Variants in GSDME observed in about 807,000 individuals in gnomAD.
GSDME encodes the protein gasdermin-E.
GSDME carries 44 observed loss-of-function variants against 47.5 expected under a neutral mutation model. That is an observed-to-expected ratio of 0.93 (90% CI 0.73 to 1.19). GSDME has a LOEUF of 1.19. Ranked by LOEUF, GSDME falls within the 50% of genes most tolerant of loss-of-function variation. The probability of loss-of-function intolerance (pLI) is 0.00; values close to 1 mark genes in which losing one functional copy is unlikely to be tolerated. For synonymous variants in GSDME, 258 were observed against 252.8 expected (o/e 1.02, Z -0.20); for missense variants, 663 against 604.2 (o/e 1.10, Z -1.02).
the GSDME span, among the ~76,000 whole-genome samples, chr7:24,771,767 C>T: frequency 3.3e-5 from 5 of 152,258 alleles, no homozygotes; most frequent in African/African-American, 4.8e-5. This position sits in a 1 kb window ranked among gnomAD's most constrained non-coding sequence, Gnocchi z 4.1. Flanking sequence ...AAACTGCTCC[C>T]GTACCTGCCT....
rs1248104504 is a variant in GSDME, at chr7:24,744,901, T to G, written c.212-147A>C. On this transcript the variant is annotated intron_variant, in intron 2 of 9. Coordinates refer to ENST00000645220, the MANE Select transcript of GSDME (RefSeq NM_001127453.2). The surrounding 1 kb of genome is among the most constrained non-coding windows in gnomAD (Gnocchi z 4.5). ...AAAGCCGGCAGCCATGCTGTGTGTG[T>G]GGGCAAGAAAACAGGGCAGCACGTG... is the stretch of plus-strand genomic sequence containing the variant. The G allele has an allele frequency of 7.1e-6, 6 of 849,444 alleles. No individual in the cohort carries two copies. Among genetic ancestry groups the G allele is most frequent in the South Asian group, 1.4e-5 (1 of 69,582 alleles). 52.6% of individuals were successfully genotyped at this position (849,444 alleles called of 1,614,324 possible). A position where few individuals can be genotyped will look rare whatever the true frequency, so the allele number is the denominator to read the frequency against.
At position 24,735,156 on chromosome 7, in the gene GSDME, G is replaced by C. The variant is rs1247917817; in HGVS notation, c.404+9406C>G. Among the ~76,000 whole-genome samples the C allele has an allele frequency of 3.3e-5, 5 of 152,082 alleles. No homozygotes were observed. The highest frequency in any genetic ancestry group is 4.8e-5 in the African/African-American group (2 of 41,396). The stretch of plus-strand genomic sequence containing the variant: ...AGTGGCATGACATATCTAAAGTGCT[G>C]AAGGAAAAAAACGTTTACACTAGAA... On this transcript the variant is annotated intron_variant, in intron 3 of 9. Transcript: ENST00000645220. The surrounding 1 kb of genome is among the most constrained non-coding windows in gnomAD (Gnocchi z 4.4).
intron 5 of GSDME, among the ~76,000 whole-genome samples, chr7:24,713,767 C>A (rs1192390650): frequency 6.6e-6 from 1 of 152,212 alleles, no homozygotes; most frequent in East Asian, 1.9e-4. Context: ...CCATTAGCTA[C>A]ACTGCTAGGA....
rs1029004864 is a variant in GSDME at position 24,736,832 on chromosome 7, T to TA, written c.404+7729dup. Reference sequence around the variant, plus strand: ...AGTACCTTCTCTGACCACAGTGGAATAAAAAAACTATATAGCAATAACAAG... The same window carrying TA: ...AGTACCTTCTCTGACCACAGTGGAATAAAAAAAACTATATAGCAATAACAAG... On this transcript the variant is annotated intron_variant, in intron 3 of 9. Coordinates refer to ENST00000645220, the MANE Select transcript of GSDME (RefSeq NM_001127453.2). This position sits in a 1 kb window ranked among gnomAD's most constrained non-coding sequence, Gnocchi z 4.6. Among the ~76,000 whole-genome samples the TA allele has an allele frequency of 1.3e-5, 2 of 152,014 alleles. No individual in the cohort carries two copies. The highest frequency in any genetic ancestry group is 4.8e-5 in the African/African-American group (2 of 41,414).
chr7:24,719,261 G>A (rs1392022838), intron 3 of GSDME, 43 bp from the exon 4 acceptor site: 1 of 1,589,704 alleles, frequency 6.3e-7, no homozygotes, highest in Admixed American at 1.7e-5. Context: ...TGCCTCAGGG[G>A]ACATTGGTGT....
the GSDME span, among the ~76,000 whole-genome samples, chr7:24,769,408 C>T: frequency 3.9e-5 from 6 of 152,254 alleles, no homozygotes; most frequent in South Asian, 2.1e-4. Flanking sequence ...AGGCGGGGAA[C>T]GTAGCCATTT....
chr7:24,749,512 AAAG>A, intron 2 of GSDME, 49 bp downstream of exon 2: 4 of 1,469,812 alleles, frequency 2.7e-6, no homozygotes, highest in Admixed American at 1.9e-5. Context: ...AAAAAAAAAA[AAAG>A]GATCATCCTT....
chr7:24,764,085 A>G, the GSDME span, among the ~76,000 whole-genome samples: 3 of 152,242 alleles, frequency 2.0e-5, no homozygotes, highest in South Asian at 6.2e-4. The surrounding 1 kb of genome is among the most constrained non-coding windows in gnomAD (Gnocchi z 4.4). Context: ...TATTACTGAT[A>G]CAACTTCTTA....
In GSDME at chr7:24,726,355, G is replaced by C. The variant is rs1185566925; in HGVS notation, c.405-7137C>G. Among the ~76,000 whole-genome samples, 1 of 152,190 alleles carries C rather than the reference G, an allele frequency of 6.6e-6. No homozygotes were observed. Among genetic ancestry groups the C allele is most frequent in the Admixed American group, 6.5e-5 (1 of 15,288 alleles). On this transcript the variant is annotated intron_variant, in intron 3 of 9. Transcript: ENST00000645220. This position sits in a 1 kb window ranked among gnomAD's most constrained non-coding sequence, Gnocchi z 5.6. ...AGGTCCCGGGGATGCCTCCTGCAGA[G>C]ACACAGGAGGGCGAGCTTTGTCATG...
chr7:24,766,665 G>A, the GSDME span, among the ~76,000 whole-genome samples: 1 of 152,104 alleles, frequency 6.6e-6, no homozygotes, highest in African/African-American at 2.4e-5. The surrounding 1 kb of genome is among the most constrained non-coding windows in gnomAD (Gnocchi z 4.2). Context: ...AGTATTCCAT[G>A]GTGTATATGT....
At chr7:24,715,357 A>G in intron 5 of GSDME, 1 of 434,512 alleles carries the variant, frequency 2.3e-6, no homozygotes, top group South Asian at 1.8e-5. Context: ...CACCACACAC[A>G]TGCAGAGGGT....
chr7:24,747,088 G>A (rs1790691164), intron 2 of GSDME, among the ~76,000 whole-genome samples: 1 of 152,170 alleles, frequency 6.6e-6, no homozygotes, highest in Non-Finnish European at 1.5e-5. Flanking sequence ...TGATCTTTCA[G>A]GACACCACAA....
chr7:24,770,960 A>G, the GSDME span, among the ~76,000 whole-genome samples: 3 of 152,118 alleles, frequency 2.0e-5, no homozygotes, highest in African/African-American at 4.8e-5. The surrounding 1 kb of genome is among the most constrained non-coding windows in gnomAD (Gnocchi z 4.6). Flanking sequence ...AAGAAGAGAG[A>G]GAGAGAGAAC....
At chr7:24,707,729 G>T (rs1789172815) in intron 7 of GSDME, 1 of 421,088 alleles carries the variant, frequency 2.4e-6, no homozygotes, top group Non-Finnish European at 4.3e-6. Context: ...AGACAGAGCA[G>T]AGGCTGGAGT....
chr7:24,745,251 TA>T lies in GSDME; in HGVS notation c.212-498del, dbSNP rs1196287327. 6.6e-6 allele frequency among the ~76,000 whole-genome samples: 1 copy of T among 152,112 alleles called. No individual in the cohort carries two copies. Among genetic ancestry groups the T allele is most frequent in the Non-Finnish European group, 1.5e-5 (1 of 68,012 alleles). ...AAAGGGACTAGACAAAGAAGACAAC[TA>T]AACAGAGAGAGAACAGCAGCCCCTA... is the stretch of plus-strand genomic sequence containing the variant. On this transcript the variant is annotated intron_variant, in intron 2 of 9. Transcript: ENST00000645220. The surrounding 1 kb of genome is among the most constrained non-coding windows in gnomAD (Gnocchi z 4.4).
chr7:24,706,564 A>G (rs1789115878), intron 7 of GSDME, among the ~76,000 whole-genome samples, 188 bp from the exon 8 acceptor site: 1 of 152,240 alleles, frequency 6.6e-6, no homozygotes, highest in South Asian at 2.1e-4. Context: ...CGGGACAGTA[A>G]GCTGAACCTG....
chr7:24,793,799 T>TA, the GSDME span, among the ~76,000 whole-genome samples: 2 of 151,806 alleles, frequency 1.3e-5, no homozygotes, highest in East Asian at 3.9e-4. Flanking sequence ...TTTTTTTTTT[T>TA]AACTTAGGAT....
At chr7:24,749,514 A>AC in intron 2 of GSDME, 50 bp downstream of exon 2, 1 of 1,388,246 alleles carries the variant, frequency 7.2e-7, no homozygotes, top group East Asian at 2.3e-5. Flanking sequence ...AAAAAAAAAA[A>AC]GGATCATCCT....
the GSDME span, among the ~76,000 whole-genome samples, chr7:24,771,997 C>T: frequency 4.6e-5 from 7 of 152,218 alleles, no homozygotes; most frequent in African/African-American, 1.7e-4. This position sits in a 1 kb window ranked among gnomAD's most constrained non-coding sequence, Gnocchi z 4.1. Flanking sequence ...TCATGCGCAA[C>T]AGCCCCTTGT....
Sources: allele counts gnomAD v4.1 joint callset (sites outside exome capture counted in the v4.1 genomes callset), GRCh38; gene constraint gnomAD v4.1.1; non-coding constraint Gnocchi (gnomAD v3.1); transcripts MANE v1.5; gene names NCBI Gene and HGNC (gene_info 2026-07-23, HGNC 2026-07-21).